The following TOPORS variants were observed in gnomAD, a reference collection of about 807,000 sequenced individuals.
The protein encoded by TOPORS is E3 ubiquitin-protein ligase Topors.
A neutral mutation model predicts 81.4 loss-of-function variants in TOPORS; 25 were observed. The observed-to-expected ratio is 0.31, with a 90% CI of 0.22 to 0.43. The LOEUF is 0.43. Ranked by LOEUF, TOPORS falls within the 20% of genes least tolerant of loss-of-function variation. TOPORS has a pLI of 1.00. For synonymous variants in TOPORS, 473 were observed against 456.6 expected (o/e 1.04, Z -0.46); for missense variants, 1,101 against 1,267.0 (o/e 0.87, Z 1.99).
chr9:32,544,361 T>C (rs540755020), intron 2 of TOPORS, 35 bp from the exon 3 acceptor site: 1 of 1,589,116 alleles, frequency 6.3e-7, no homozygotes, highest in East Asian at 2.2e-5. Flanking sequence ...AGTAACCTGA[T>C]AATAGAGGAA....
rs375839984 is a variant in TOPORS at position 32,544,019 on chromosome 9, C to A, written c.506G>T (p.Gly169Val). 3.7e-6 allele frequency: 6 copies of A among 1,614,024 alleles called. No homozygotes were observed. In the African/African-American group the frequency reaches 8.0e-5, roughly 22 times the overall value. Residue 169 changes from glycine (G) to valine (V), a missense_variant, in exon 3 of 3, where the codon GGT becomes GTT. Physicochemically the swap from Gly to Val is moderately radical, Grantham distance 109. This residue lies in a region of TOPORS where 120 missense variants were observed against 115.4 expected (regional missense o/e 1.04). Coordinates refer to ENST00000360538, the MANE Select transcript of TOPORS (RefSeq NM_005802.5). ...TCGTCGATCAGGGGTGACAAAAGAA[C>A]CATTATACGAAGGCCTTAGGACATA... ...KEYVLRPSYNGSFVTPDRRFR... is the reference protein window; with the variant it reads ...KEYVLRPSYNVSFVTPDRRFR...
At position 32,543,653 on chromosome 9, in the gene TOPORS, G is replaced by A. The variant is rs1463987939; in HGVS notation, c.872C>T (p.Ala291Val). The part of the protein sequence containing the change: ...ISAEFFRRNP[A>V]CLHRLVPWLK... Reference sequence around the variant, plus strand: ...CCAGGGGACTAATCTGTGAAGGCAAGCTGGATTTCTACGGAAAAATTCAGC... The same window carrying A: ...CCAGGGGACTAATCTGTGAAGGCAAACTGGATTTCTACGGAAAAATTCAGC... The change falls in exon 3 of 3, where the codon GCT (alanine) becomes GTT (valine). Residue 291 changes from alanine to valine, a missense_variant. Physicochemically the swap from Ala to Val is moderately conservative, Grantham distance 64. Around this residue, in one of 9 missense-constraint regions of TOPORS, gnomAD observed 69 missense variants for 153.6 expected, o/e 0.45. Transcript: ENST00000360538. The surrounding 1 kb of genome is among the most constrained non-coding windows in gnomAD (Gnocchi z 5.6). 6 of 1,612,804 alleles carry A rather than the reference G, an allele frequency of 3.7e-6. No homozygotes were observed. The highest frequency in any genetic ancestry group is 5.1e-6 in the Non-Finnish European group (6 of 1,179,640).
At position 32,541,489 on chromosome 9, in the gene TOPORS, G is replaced by A. The variant is rs1312331438; in HGVS notation, c.3036C>T (p.Pro1012=). 1 of 1,614,178 alleles carries A rather than the reference G, an allele frequency of 6.2e-7. No individual in the cohort carries two copies. The highest frequency in any genetic ancestry group is 1.1e-5 in the South Asian group (1 of 91,084). The change falls in exon 3 of 3, where the codon CCC becomes CCT. Residue 1012 remains proline (P), a synonymous_variant. Transcript: ENST00000360538. ...CAGTTTGAAGAGACACAATGTTACT[G>A]GGCTGGTTCTCCAAATCAGAAACAA... ...STFVSDLENQ[P]SNIVSLQTEP...
rs1821060776 is a variant in TOPORS, at chr9:32,541,646, C to T, written c.2879G>A (p.Gly960Asp). ...KDVVTIEAEFGVLDKECDIAT... is the reference protein window; with the variant it reads ...KDVVTIEAEFDVLDKECDIAT... ...AATATCACATTCCTTGTCCAGCACA[C>T]CAAATTCAGCTTCTATTGTAACTAC... The change falls in exon 3 of 3, where the codon GGT (glycine) becomes GAT (aspartate). Residue 960 changes from glycine (G) to aspartate (D), a missense_variant. Gly to Asp is a moderately conservative substitution (Grantham distance 94). Around this residue, in one of 9 missense-constraint regions of TOPORS, gnomAD observed 605 missense variants for 636.1 expected, o/e 0.95. Coordinates refer to ENST00000360538, the MANE Select transcript of TOPORS (RefSeq NM_005802.5). 6 of 1,614,168 alleles carry T rather than the reference C, an allele frequency of 3.7e-6. No homozygotes were observed. The highest frequency in any genetic ancestry group is 5.1e-6 in the Non-Finnish European group (6 of 1,180,022).
intron 2 of TOPORS, among the ~76,000 whole-genome samples, chr9:32,546,311 C>T (rs1424324879): frequency 1.3e-5 from 2 of 152,118 alleles, no homozygotes; most frequent in African/African-American, 4.8e-5. Flanking sequence ...AAGAAACACA[C>T]ACATAAAAAT....
At position 32,542,272 on chromosome 9, in the gene TOPORS, C is replaced by T. The variant is rs1165468338; in HGVS notation, c.2253G>A (p.Arg751=). The part of the protein sequence containing the change: ...VQSFSERTNA[R]KKNNHSERKY... ...TCCTCTCACTGTGATTATTTTTTTT[C>T]CTAGCATTTGTTCTTTCAGAAAAGG... Residue 751 remains arginine (R), a synonymous_variant, in exon 3 of 3, where the codon AGG becomes AGA. Transcript: ENST00000360538. The T allele has an allele frequency of 6.2e-7, 1 of 1,613,696 alleles. No individual in the cohort carries two copies. The highest frequency in any genetic ancestry group is 2.2e-5 in the East Asian group (1 of 44,888).
rs148620735 is a variant in TOPORS at position 32,542,178 on chromosome 9, C to G, written c.2347G>C (p.Gly783Arg). 52 of 1,614,188 alleles carry G rather than the reference C, an allele frequency of 3.2e-5. No individual in the cohort carries two copies. In the African/African-American group the frequency reaches 6.5e-4, roughly 20 times the overall value. ...TTTTCATTTCTCACCCGGTCAGTCC[C>G]GGTAGATGCAGTCCTTGATCTGTTA... is the stretch of plus-strand genomic sequence containing the variant. Reference protein sequence around the residue: ...SSNRSRTASTGTDRVRNEKPG... With the variant: ...SSNRSRTASTRTDRVRNEKPG... Residue 783 changes from glycine (G) to arginine (R), a missense_variant, in exon 3 of 3, where the codon GGG becomes CGG. This residue lies in a region of TOPORS where 605 missense variants were observed against 636.1 expected (regional missense o/e 0.95). Transcript: ENST00000360538.
At position 32,541,316 on chromosome 9, in the gene TOPORS, C is replaced by A. The variant is rs1023850632; in HGVS notation, c.*71G>T. On this transcript the variant is annotated 3_prime_UTR_variant, in exon 3 of 3. Transcript: ENST00000360538. ...TCACCAAATGTCATCTTTAAATAGACTGCAGTAGACGACATTCTTCCTTTT... is the reference window on the plus strand; with the variant it reads ...TCACCAAATGTCATCTTTAAATAGAATGCAGTAGACGACATTCTTCCTTTT... The A allele has an allele frequency of 5.0e-5, 72 of 1,429,442 alleles. No individual in the cohort carries two copies. The highest frequency in any genetic ancestry group is 7.0e-5 in the Non-Finnish European group (72 of 1,021,578). 88.5% of individuals were successfully genotyped at this position (1,429,442 alleles called of 1,614,324 possible).
In TOPORS at chr9:32,550,905, G is replaced by C. The variant is rs780800052; in HGVS notation, c.67C>G (p.Pro23Ala). ...REEGEAPPPA[P>A]ASEGRRRSRR... ...CTTCTCCGCCTACCCTCCGAAGCGG[G>C]AGCAGGCGGGGGCGCTTCACCCTCC... Residue 23 changes from proline to alanine, a missense_variant, in exon 2 of 3, where the codon CCC becomes GCC. Pro to Ala is a conservative substitution (Grantham distance 27, BLOSUM62 -1). Coordinates refer to ENST00000360538, the MANE Select transcript of TOPORS (RefSeq NM_005802.5). 1 of 1,612,982 alleles carries C rather than the reference G, an allele frequency of 6.2e-7. No individual in the cohort carries two copies. The highest frequency in any genetic ancestry group is 8.5e-7 in the Non-Finnish European group (1 of 1,179,820).
At position 32,543,484 on chromosome 9, in the gene TOPORS, T is replaced by G; in HGVS notation, c.1041A>C (p.Arg347=). ...VSDLRPFLLN[R]TEHFIHEFIS... is the part of the protein sequence containing the mutation. Reference sequence around the variant, plus strand: ...TAAATTCATGTATAAAATGCTCAGTTCGATTAAGTAAAAATGGTCTTAAAT... The same window carrying G: ...TAAATTCATGTATAAAATGCTCAGTGCGATTAAGTAAAAATGGTCTTAAAT... Residue 347 remains arginine (R), a synonymous_variant, in exon 3 of 3, where the codon CGA becomes CGC. Transcript: ENST00000360538. This position sits in a 1 kb window ranked among gnomAD's most constrained non-coding sequence, Gnocchi z 5.6. 1 of 1,613,916 alleles carries G rather than the reference T, an allele frequency of 6.2e-7. No individual in the cohort carries two copies. Among genetic ancestry groups the G allele is most frequent in the Non-Finnish European group, 8.5e-7 (1 of 1,180,028 alleles).
rs145407183 is a variant in TOPORS, at chr9:32,542,233, A to G, written c.2292T>C (p.Tyr764=). The change falls in exon 3 of 3, where the codon TAT becomes TAC. Residue 764 remains tyrosine (Y), a synonymous_variant. Transcript: ENST00000360538. ...NNHSERKYYY[Y]ERHRSRSLSS... is the part of the protein sequence containing the mutation. ...ACAGGCTCCTTGATCTGTGCCTTTC[A>G]TAGTAGTAATACTTCCTCTCACTGT... The G allele has an allele frequency of 6.2e-7, 1 of 1,614,166 alleles. No individual in the cohort carries two copies. The highest frequency in any genetic ancestry group is 1.3e-5 in the African/African-American group (1 of 75,040).
Position 32,543,596 on chromosome 9 carries a change from G to A in TOPORS, c.929C>T (p.Ala310Val). 6.2e-7 allele frequency: 1 copy of A among 1,611,668 alleles called. No individual in the cohort carries two copies. The highest frequency in any genetic ancestry group is 8.5e-7 in the Non-Finnish European group (1 of 1,178,908). The change falls in exon 3 of 3, where the codon GCT becomes GTT. Residue 310 changes from alanine (A) to valine (V), a missense_variant. Around this residue, in one of 9 missense-constraint regions of TOPORS, gnomAD observed 69 missense variants for 153.6 expected, o/e 0.45. Coordinates refer to ENST00000360538, the MANE Select transcript of TOPORS (RefSeq NM_005802.5). This position sits in a 1 kb window ranked among gnomAD's most constrained non-coding sequence, Gnocchi z 5.6. ...LKRELTVLFG[A>V]HGSLVNIVQH... ...GACAATATTCACTAAAGATCCATGA[G>A]CTCCAAAAAGAACTGTAAGTTCACG...
chr9:32,548,550 C>T (rs1821173831), intron 2 of TOPORS, among the ~76,000 whole-genome samples: 1 of 151,994 alleles, frequency 6.6e-6, no homozygotes. Flanking sequence ...CACACACACA[C>T]AAAAGAGTGG....
intron 1 of TOPORS, chr9:32,551,917 TG>T: frequency 3.2e-6 from 1 of 316,488 alleles, no homozygotes; most frequent in South Asian, 2.3e-5. Flanking sequence ...TATAAAAGAG[TG>T]GGTGGTATTT....
rs1386132502 is a variant in TOPORS at position 32,543,986 on chromosome 9, T to C, written c.539A>G (p.Tyr180Cys). 1.9e-6 allele frequency: 3 copies of C among 1,614,146 alleles called. No homozygotes were observed. The highest frequency in any genetic ancestry group is 2.5e-6 in the Non-Finnish European group (3 of 1,180,014). ...TCGTTCCCTTGTCAGAGTTGTACGG[T>C]AGCGAAATCGTCGATCAGGGGTGAC... is the stretch of plus-strand genomic sequence containing the variant. ...SFVTPDRRFR[Y>C]RTTLTRERNA... Residue 180 changes from tyrosine (Y) to cysteine (C), a missense_variant, in exon 3 of 3, where the codon TAC (tyrosine) becomes TGC (cysteine). Around this residue, in one of 9 missense-constraint regions of TOPORS, gnomAD observed 120 missense variants for 115.4 expected, o/e 1.04. Transcript: ENST00000360538. This position sits in a 1 kb window ranked among gnomAD's most constrained non-coding sequence, Gnocchi z 5.6.
intron 1 of TOPORS, chr9:32,552,174 CAAAAAAAA>C (rs35415231): frequency 2.4e-5 from 12 of 496,580 alleles, no homozygotes; most frequent in Admixed American, 1.1e-4. Context: ...CCTTAGTTGG[CAAAAAAAA>C]AAAAAAAAAA....
At chr9:32,548,038 G>C (rs533289643) in intron 2 of TOPORS, among the ~76,000 whole-genome samples, 1 of 130,482 alleles carries the variant, frequency 7.7e-6, no homozygotes, top group Non-Finnish European at 1.6e-5. Context: ...TTTTAGTAGA[G>C]ACGGGGTTTC....
Position 32,552,452 on chromosome 9 carries a change from T to C in TOPORS, c.-16A>G, listed in dbSNP as rs542094272. ...TCCTTACCATGAAGCCAGTAAGTCG[T>C]CGCACGCTGGACTGGATTTATTCAG... On this transcript the variant is annotated 5_prime_UTR_variant, in exon 1 of 3. Coordinates refer to ENST00000360538, the MANE Select transcript of TOPORS (RefSeq NM_005802.5). The C allele has an allele frequency of 5.6e-6, 9 of 1,604,870 alleles. No homozygotes were observed. The East Asian group carries it at 2.0e-4, about 36-fold the overall frequency.
rs1310048706 is a variant in TOPORS, at chr9:32,543,796, A to G, written c.729T>C (p.Asp243=). The G allele has an allele frequency of 1.2e-6, 2 of 1,612,650 alleles. No homozygotes were observed. Among genetic ancestry groups the G allele is most frequent in the East Asian group, 2.2e-5 (1 of 44,866 alleles). Reference sequence around the variant, plus strand: ...CTTGAATTTTCCGCAAAGATCTTTCATCTGCCGTAGTTGGCCTCCTTACTG... The same window carrying G: ...CTTGAATTTTCCGCAAAGATCTTTCGTCTGCCGTAGTTGGCCTCCTTACTG... ...QIAVRRPTTA[D]ERSLRKIQEQ... is the part of the protein sequence containing the mutation. Residue 243 remains aspartate, a synonymous_variant, in exon 3 of 3, where the codon GAT becomes GAC. Coordinates refer to ENST00000360538, the MANE Select transcript of TOPORS (RefSeq NM_005802.5). This position sits in a 1 kb window ranked among gnomAD's most constrained non-coding sequence, Gnocchi z 5.6.
Sources: allele counts gnomAD v4.1 joint callset (sites outside exome capture counted in the v4.1 genomes callset), GRCh38; gene constraint gnomAD v4.1.1; regional missense constraint gnomAD v4.1.1; non-coding constraint Gnocchi (gnomAD v3.1); transcripts MANE v1.5; gene names NCBI Gene and HGNC (gene_info 2026-07-23, HGNC 2026-07-21).